Variants in STK31 observed in about 807,000 individuals in gnomAD.
The protein encoded by STK31 is serine/threonine kinase 31.
A neutral mutation model predicts 129.7 loss-of-function variants in STK31; 89 were observed. That is an observed-to-expected ratio of 0.69 (90% CI 0.58 to 0.82). The LOEUF (loss-of-function observed/expected upper bound fraction) is 0.82, where lower values mean the gene tolerates loss of function less well. STK31 is among the 40% of genes least tolerant of loss of function. The pLI is 0.00. For missense variants in STK31, 1,187 were observed against 1,176.4 expected (o/e 1.01, Z -0.13); for synonymous variants, 448 against 395.3 (o/e 1.13, Z -1.58).
intron 22 of STK31, among the ~76,000 whole-genome samples, chr7:23,802,088 GA>G (rs1472459211): frequency 1.3e-5 from 2 of 152,054 alleles, no homozygotes; most frequent in African/African-American, 4.8e-5. Context: ...CGAGAGAAAG[GA>G]AAAATAGACC....
chr7:23,790,048 C>T (rs1791523140), intron 21 of STK31, among the ~76,000 whole-genome samples: 1 of 152,128 alleles, frequency 6.6e-6, no homozygotes, highest in Non-Finnish European at 1.5e-5. Context: ...TTCAGCATTT[C>T]TGCAGTGGAT....
At chr7:23,798,167 A>C (rs1396922024) in intron 22 of STK31, among the ~76,000 whole-genome samples, 1 of 152,214 alleles carries the variant, frequency 6.6e-6, no homozygotes, top group African/African-American at 2.4e-5. Context: ...ATTCCACCAG[A>C]GGTACAAAGA....
At chr7:23,773,732 TGA>T (rs1359866892) in intron 15 of STK31, among the ~76,000 whole-genome samples, 7 of 89,454 alleles carry the variant, frequency 7.8e-5, no homozygotes, top group South Asian at 5.6e-4. Flanking sequence ...TGTGTGTGTG[TGA>T]GTGTGTGTGT....
rs113224071 is a variant in STK31, at chr7:23,781,490, T to C, written c.2037T>C (p.Phe679=). The C allele has an allele frequency of 9.3e-6, 15 of 1,611,572 alleles. No homozygotes were observed. The highest frequency in any genetic ancestry group is 1.3e-5 in the Non-Finnish European group (15 of 1,178,970). The change falls in exon 16 of 24, where the codon TTT becomes TTC. Residue 679 remains phenylalanine (F), a synonymous_variant. Coordinates refer to ENST00000355870, the MANE Select transcript of STK31 (RefSeq NM_031414.5). ...EEITQLRNNV[F]QEIYHEREEY... ...TAACTCAGCTGCGCAATAATGTCTT[T>C]CAGGAAATTTATCATGAGAGAGAGG...
intron 23 of STK31, among the ~76,000 whole-genome samples, chr7:23,825,492 C>T (rs1477897725): frequency 6.6e-6 from 1 of 151,930 alleles, no homozygotes; most frequent in Admixed American, 6.6e-5. Flanking sequence ...TCTCTCTTTT[C>T]TTCTTTATTA....
chr7:23,826,868 G>C (rs891950089), intron 23 of STK31, among the ~76,000 whole-genome samples: 1 of 152,078 alleles, frequency 6.6e-6, no homozygotes, highest in African/African-American at 2.4e-5. Flanking sequence ...AGTTTGGCTG[G>C]ATATGAAATT....
chr7:23,768,315 C>T (rs1789957453), intron 11 of STK31, among the ~76,000 whole-genome samples: 1 of 152,114 alleles, frequency 6.6e-6, no homozygotes, highest in African/African-American at 2.4e-5. Context: ...TCTAGGTTTG[C>T]ATCAGTACAC....
chr7:23,828,162 C>CT (rs1449440227), intron 23 of STK31, among the ~76,000 whole-genome samples: 1 of 152,168 alleles, frequency 6.6e-6, no homozygotes, highest in Non-Finnish European at 1.5e-5. Context: ...TTATTGCTGT[C>CT]TTTTGTTTGT....
At chr7:23,758,246 G>A (rs1160972711) in intron 10 of STK31, among the ~76,000 whole-genome samples, 1 of 152,144 alleles carries the variant, frequency 6.6e-6, no homozygotes, top group Non-Finnish European at 1.5e-5. Context: ...AGATTTTCTA[G>A]TTTATTTGTG....
At position 23,781,533 on chromosome 7, in the gene STK31, T is replaced by C. The variant is rs1162601027; in HGVS notation, c.2067+13T>C. 6.3e-7 allele frequency: 1 copy of C among 1,577,226 alleles called. No homozygotes were observed. The highest frequency in any genetic ancestry group is 1.4e-5 in the African/African-American group (1 of 73,262). ...GAGAGAGGAATATGTAAGTATTTGG[T>C]TCTTTGAAGTTTTACATTAGGTTTT... On this transcript the variant is annotated intron_variant, in intron 16 of 23. Transcript: ENST00000355870.
At chr7:23,795,983 T>C (rs1309747884) in intron 22 of STK31, among the ~76,000 whole-genome samples, 1 of 152,234 alleles carries the variant, frequency 6.6e-6, no homozygotes, top group Non-Finnish European at 1.5e-5. Flanking sequence ...CTGTGGACTT[T>C]TGACTTAATG....
intron 4 of STK31, among the ~76,000 whole-genome samples, chr7:23,723,820 G>A (rs542360936): frequency 7.4e-4 from 112 of 152,248 alleles, no homozygotes; most frequent in African/African-American, 2.5e-3. Flanking sequence ...ACAGAGCCAC[G>A]AACTTCAGAT....
At chr7:23,747,628 A>G (rs1641105796) in intron 8 of STK31, among the ~76,000 whole-genome samples, 1 of 152,162 alleles carries the variant, frequency 6.6e-6, no homozygotes. Context: ...TCGGCCTCCC[A>G]AAGTGCTGGG....
intron 17 of STK31, among the ~76,000 whole-genome samples, chr7:23,783,902 T>C (rs1791092146): frequency 6.6e-6 from 1 of 152,184 alleles, no homozygotes; most frequent in Admixed American, 6.5e-5. Flanking sequence ...ATTCAGTACA[T>C]TGCATGACAC....
At chr7:23,825,680 A>C (rs1794101378) in intron 23 of STK31, among the ~76,000 whole-genome samples, 1 of 151,992 alleles carries the variant, frequency 6.6e-6, no homozygotes, top group Admixed American at 6.6e-5. Context: ...AGTTCTTTTA[A>C]TTGTGATGTT....
At chr7:23,763,983 G>C (rs1789649380) in intron 11 of STK31, among the ~76,000 whole-genome samples, 1 of 152,162 alleles carries the variant, frequency 6.6e-6, no homozygotes, top group Non-Finnish European at 1.5e-5. Context: ...GAGTAAGCTT[G>C]CTAGAAATTT....
At chr7:23,710,579 CCTCCACA>C in intron 1 of STK31, 1 of 1,365,948 alleles carries the variant, frequency 7.3e-7, no homozygotes, top group Non-Finnish European at 9.5e-7. Flanking sequence ...GGTCACGCAG[CCTCCACA>C]CTCTCTTCCC....
In STK31 at chr7:23,769,709, G is replaced by C. The variant is rs1479045653; in HGVS notation, c.1666G>C (p.Glu556Gln). The C allele has an allele frequency of 1.9e-6, 3 of 1,610,484 alleles. No individual in the cohort carries two copies. The highest frequency in any genetic ancestry group is 2.5e-6 in the Non-Finnish European group (3 of 1,178,070). Reference protein sequence around the residue: ...DAMDNIDEILEKTESSVCKEL... With the variant: ...DAMDNIDEILQKTESSVCKEL... ...AATGGATAATATTGATGAAATCCTA[G>C]AGAAGACTGAGTCAAGTGTCTGCAA... The change falls in exon 13 of 24, where the codon GAG (glutamate) becomes CAG (glutamine). Residue 556 changes from glutamate (E) to glutamine (Q), a missense_variant. By Grantham distance (29) the Glu-to-Gln change is conservative. Around this residue, in one of 5 missense-constraint regions of STK31, gnomAD observed 975 missense variants for 934.9 expected, o/e 1.04. Coordinates refer to ENST00000355870, the MANE Select transcript of STK31 (RefSeq NM_031414.5).
chr7:23,742,769 G>A (rs1351086588), intron 8 of STK31, among the ~76,000 whole-genome samples: 2 of 151,858 alleles, frequency 1.3e-5, no homozygotes, highest in Non-Finnish European at 2.9e-5. Flanking sequence ...TGTTCAAAAT[G>A]TGTCTACTTA....
Sources: gnomAD v4.1 joint callset for allele counts (sites outside exome capture counted in the v4.1 genomes callset) on GRCh38, gnomAD v4.1.1 for gene constraint, gnomAD v4.1.1 regional missense constraint, MANE v1.5 for transcripts, NCBI Gene and HGNC (gene_info 2026-07-23, HGNC 2026-07-21) for gene names.